OLFM2: variants seen among roughly 807,000 people sequenced by gnomAD.
The protein encoded by OLFM2 is noelin-2.
OLFM2 carries 20 observed loss-of-function variants against 43.9 expected under a neutral mutation model. That is an observed-to-expected ratio of 0.46 (90% CI 0.32 to 0.66). The LOEUF is 0.66. Ranked by LOEUF, OLFM2 falls within the 30% of genes least tolerant of loss-of-function variation. The pLI, the probability that OLFM2 is intolerant of heterozygous loss-of-function variation, is 0.04. For synonymous variants in OLFM2, 268 were observed against 278.6 expected (o/e 0.96, Z 0.38); for missense variants, 416 against 643.6 (o/e 0.65, Z 3.83).
chr19:9,932,099 C>A lies in OLFM2; in HGVS notation c.63+4205G>T, dbSNP rs529371269. Among the ~76,000 whole-genome samples, 14 of 152,154 alleles carry A rather than the reference C, an allele frequency of 9.2e-5. No homozygotes were observed. In the South Asian group the frequency reaches 2.9e-3, roughly 32 times the overall value. Reference sequence around the variant, plus strand: ...AAGCTAGCTGAACCCTGATAAACTGCCGCTCTAGTGGGGAAACAGAGAATG... The same window carrying A: ...AAGCTAGCTGAACCCTGATAAACTGACGCTCTAGTGGGGAAACAGAGAATG... On this transcript the variant is annotated intron_variant, in intron 1 of 5. Transcript: ENST00000264833.
intron 1 of OLFM2, among the ~76,000 whole-genome samples, chr19:9,922,937 A>G (rs1196999703): frequency 1.3e-5 from 2 of 151,678 alleles, no homozygotes; most frequent in African/African-American, 4.9e-5. Flanking sequence ...AAAGAAAAAA[A>G]GAAAAGAAAA....
chr19:9,885,877 C>G (rs934979683), intron 1 of OLFM2, among the ~76,000 whole-genome samples: 11 of 152,074 alleles, frequency 7.2e-5, no homozygotes, highest in Non-Finnish European at 1.5e-5. Flanking sequence ...GCAGGAGGAT[C>G]ATTGAGCCCA....
At chr19:9,862,631 T>A (rs1488606224) in intron 1 of OLFM2, among the ~76,000 whole-genome samples, 2 of 151,330 alleles carry the variant, frequency 1.3e-5, no homozygotes, top group Non-Finnish European at 2.9e-5. Context: ...CAATGAGCTA[T>A]GGCTGTGCCA....
At chr19:9,860,256 T>A (rs1214306772) in intron 2 of OLFM2, among the ~76,000 whole-genome samples, 1 of 151,760 alleles carries the variant, frequency 6.6e-6, no homozygotes, top group Non-Finnish European at 1.5e-5. Context: ...GGCAGGAGGA[T>A]CACTTGAGCC....
At chr19:9,889,155 GA>G (rs921799334) in intron 1 of OLFM2, among the ~76,000 whole-genome samples, 3 of 152,142 alleles carry the variant, frequency 2.0e-5, no homozygotes, top group African/African-American at 7.2e-5. Flanking sequence ...GAGGCCTGGA[GA>G]GGGGAGGGGG....
At chr19:9,873,636 TTTTTG>T (rs1006647487) in intron 1 of OLFM2, among the ~76,000 whole-genome samples, 71 of 152,106 alleles carry the variant, frequency 4.7e-4, no homozygotes, top group Admixed American at 4.2e-3. Flanking sequence ...TTTATTTTTA[TTTTTG>T]TTTTGAGATA....
At chr19:9,935,425 C>T (rs1315530883) in intron 1 of OLFM2, among the ~76,000 whole-genome samples, 3 of 151,936 alleles carry the variant, frequency 2.0e-5, no homozygotes, top group Non-Finnish European at 4.4e-5. Flanking sequence ...AGAAAGGTGC[C>T]ATGGGGAGGG....
chr19:9,905,456 C>CAAAAT (rs749400741), intron 1 of OLFM2, among the ~76,000 whole-genome samples: 118 of 151,438 alleles, frequency 7.8e-4, no homozygotes, highest in African/African-American at 2.4e-3. Flanking sequence ...GACTCCATCT[C>CAAAAT]AAAATAAAAT....
At chr19:9,876,049 G>A (rs1568372419) in intron 1 of OLFM2, among the ~76,000 whole-genome samples, 1 of 152,140 alleles carries the variant, frequency 6.6e-6, no homozygotes. Flanking sequence ...CCCCGCCACC[G>A]AGGTCCCTAC....
At position 9,857,122 on chromosome 19, in the gene OLFM2, A is replaced by G; in HGVS notation, c.580+141T>C. On this transcript the variant is annotated intron_variant, in intron 4 of 5. Transcript: ENST00000264833. The surrounding 1 kb of genome is among the most constrained non-coding windows in gnomAD (Gnocchi z 5.7). ...ATTTCCAGCTTCTGGACTCAAGTGT[A>G]GCCTTAGGTAGGAAGGTCAAGGGTT... 1.1e-6 allele frequency: 1 copy of G among 894,308 alleles called. No individual in the cohort carries two copies. Among genetic ancestry groups the G allele is most frequent in the Non-Finnish European group, 1.8e-6 (1 of 561,966 alleles). The allele number at this position is 894,308 out of a possible 1,614,324, so 55.4% of individuals were successfully genotyped here. A position where few individuals can be genotyped will look rare whatever the true frequency, so the allele number is the denominator to read the frequency against.
intron 1 of OLFM2, among the ~76,000 whole-genome samples, chr19:9,864,789 T>TC (rs1415834635): frequency 6.9e-6 from 1 of 145,196 alleles, no homozygotes; most frequent in Non-Finnish European, 1.5e-5. Context: ...ACACCCAGCT[T>TC]TTTTTTTTTT....
chr19:9,924,720 A>G (rs748269657), intron 1 of OLFM2, among the ~76,000 whole-genome samples: 2 of 152,074 alleles, frequency 1.3e-5, no homozygotes, highest in African/African-American at 4.8e-5. Flanking sequence ...TGCTATCTTC[A>G]GTGGCCCCCA....
intron 1 of OLFM2, among the ~76,000 whole-genome samples, chr19:9,927,659 C>T (rs2086461706): frequency 6.6e-6 from 1 of 152,230 alleles, no homozygotes; most frequent in Non-Finnish European, 1.5e-5. Context: ...GCATCTGTCT[C>T]CCAAATTTGG....
rs780749834 is a variant in OLFM2 at position 9,857,276 on chromosome 19, G to A, written c.567C>T (p.Cys189=). The A allele has an allele frequency of 2.0e-5, 33 of 1,613,786 alleles. No individual in the cohort carries two copies. The highest frequency in any genetic ancestry group is 8.9e-5 in the East Asian group (4 of 44,900). ...GCCAAGGCATACCCAGCTTCTGGGC[G>A]CAGGCGTGGAGCCGGGCCTCCAGGG... is the stretch of plus-strand genomic sequence containing the variant. ...VMALEARLHA[C]AQKLGCGKLT... is the part of the protein sequence containing the mutation. Residue 189 remains cysteine, a synonymous_variant, in exon 4 of 6, where the codon TGC becomes TGT. Coordinates refer to ENST00000264833, the MANE Select transcript of OLFM2 (RefSeq NM_058164.4). This position sits in a 1 kb window ranked among gnomAD's most constrained non-coding sequence, Gnocchi z 5.7.
chr19:9,920,757 A>AG (rs2086414446), intron 1 of OLFM2, among the ~76,000 whole-genome samples: 6 of 150,780 alleles, frequency 4.0e-5, no homozygotes, highest in Admixed American at 3.3e-4. Context: ...AAAAAAAAAA[A>AG]GTAGCCAGGT....
chr19:9,914,189 A>G (rs948618736), intron 1 of OLFM2, among the ~76,000 whole-genome samples: 9 of 150,682 alleles, frequency 6.0e-5, no homozygotes, highest in Non-Finnish European at 1.3e-4. Flanking sequence ...CCCTCGGCCC[A>G]CCCCGGCCAC....
chr19:9,887,539 C>T (rs1004155918), intron 1 of OLFM2, among the ~76,000 whole-genome samples: 1 of 152,116 alleles, frequency 6.6e-6, no homozygotes, highest in African/African-American at 2.4e-5. Flanking sequence ...CATTGCTCTA[C>T]CCTCTTGATG....
rs570855467 is a variant in OLFM2 at position 9,898,533 on chromosome 19, A to T, written c.64-37739T>A. Among the ~76,000 whole-genome samples, 1,325 of 150,856 alleles carry T rather than the reference A, an allele frequency of 8.8e-3. 20 individuals are homozygous for T. The highest frequency in any genetic ancestry group is 0.03 in the African/African-American group (1,213 of 41,108). The stretch of plus-strand genomic sequence containing the variant: ...AGACTCCGTCTCAAAAAAAAAAAAA[A>T]TTTTTTTGTGTGTGGAGACTGGGTC... On this transcript the variant is annotated intron_variant, in intron 1 of 5. Coordinates refer to ENST00000264833, the MANE Select transcript of OLFM2 (RefSeq NM_058164.4).
At chr19:9,878,319 C>T (rs2046508628) in intron 1 of OLFM2, among the ~76,000 whole-genome samples, 2 of 149,488 alleles carry the variant, frequency 1.3e-5, no homozygotes, top group South Asian at 2.1e-4. Context: ...ATCTGAGCTT[C>T]AATCTTGGCT....
Sources: allele counts gnomAD v4.1 joint callset (sites outside exome capture counted in the v4.1 genomes callset), GRCh38; gene constraint gnomAD v4.1.1; non-coding constraint Gnocchi (gnomAD v3.1); transcripts MANE v1.5; gene names NCBI Gene and HGNC (gene_info 2026-07-23, HGNC 2026-07-21).